LRP1B: variants seen among roughly 807,000 people sequenced by gnomAD.
The protein encoded by LRP1B is low-density lipoprotein receptor-related protein 1B.
LRP1B carries 217 observed loss-of-function variants against 556.6 expected under a neutral mutation model. The observed-to-expected ratio is 0.39, with a 90% CI of 0.35 to 0.44. LRP1B has a LOEUF of 0.44. Ranked by LOEUF, LRP1B falls within the 20% of genes least tolerant of loss-of-function variation. The pLI, the probability that LRP1B is intolerant of heterozygous loss-of-function variation, is 1.00. For missense variants in LRP1B, 5,053 were observed against 5,620.8 expected (o/e 0.90, Z 3.23); for synonymous variants, 2,047 against 1,865.8 (o/e 1.10, Z -2.50).
At chr2:142,053,232 T>C (rs72847098) in intron 1 of LRP1B, among the ~76,000 whole-genome samples, 19,650 of 152,152 alleles carry the variant, frequency 0.13, 1,516 homozygotes, top group Non-Finnish European at 0.15. Flanking sequence ...CAAAATAATA[T>C]AGAAAATAGT....
intron 41 of LRP1B, among the ~76,000 whole-genome samples, chr2:140,674,949 A>G (rs1378560834): frequency 6.6e-6 from 1 of 152,216 alleles, no homozygotes; most frequent in Non-Finnish European, 1.5e-5. Context: ...TACAATCAAG[A>G]TGTCAGCAGA....
chr2:141,612,881 C>A (rs1037371773), intron 2 of LRP1B, among the ~76,000 whole-genome samples: 1 of 152,164 alleles, frequency 6.6e-6, no homozygotes, highest in Non-Finnish European at 1.5e-5. Flanking sequence ...CAGCTCACTG[C>A]AAGCTCTCCC....
At chr2:141,057,223 A>G (rs1024603474) in intron 9 of LRP1B, among the ~76,000 whole-genome samples, 2 of 151,844 alleles carry the variant, frequency 1.3e-5, no homozygotes, top group Admixed American at 6.6e-5. Context: ...AGGACTTCCC[A>G]TCTCACTAAA....
At chr2:141,905,763 A>ACGTGTGTGTGT (rs71338143) in intron 1 of LRP1B, among the ~76,000 whole-genome samples, 17,610 of 114,962 alleles carry the variant, frequency 0.15, 1,790 homozygotes, top group East Asian at 0.3. Context: ...TGGTTTGAAT[A>ACGTGTGTGTGT]GATGTGTGTG....
intron 2 of LRP1B, among the ~76,000 whole-genome samples, chr2:141,741,773 C>A (rs1304158746): frequency 1.3e-5 from 2 of 152,058 alleles, no homozygotes; most frequent in African/African-American, 2.4e-5. Context: ...ATTTCCTTTG[C>A]TCTGCAGAAG....
At chr2:141,163,677 G>T (rs930059906) in intron 7 of LRP1B, among the ~76,000 whole-genome samples, 4 of 151,930 alleles carry the variant, frequency 2.6e-5, no homozygotes, top group African/African-American at 4.8e-5. Context: ...TTTATAAAGG[G>T]TTTCCCCTTT....
chr2:140,795,365 C>T (rs147733611), intron 32 of LRP1B, among the ~76,000 whole-genome samples: 43 of 152,198 alleles, frequency 2.8e-4, no homozygotes, highest in Middle Eastern at 3.4e-3. Context: ...AACAATAACA[C>T]CCACAATTAA....
At chr2:141,757,793 T>C (rs1178891890) in intron 2 of LRP1B, among the ~76,000 whole-genome samples, 1 of 152,092 alleles carries the variant, frequency 6.6e-6, no homozygotes, top group Non-Finnish European at 1.5e-5. Flanking sequence ...CACACTGGCC[T>C]CTCAAAATGC....
chr2:141,056,232 C>T (rs1273246832), intron 9 of LRP1B, among the ~76,000 whole-genome samples: 1 of 151,810 alleles, frequency 6.6e-6, no homozygotes, highest in Admixed American at 6.6e-5. Flanking sequence ...AACCTGACTC[C>T]ACTTATACAA....
chr2:141,157,276 G>T (rs527918322), intron 7 of LRP1B, among the ~76,000 whole-genome samples: 1 of 151,942 alleles, frequency 6.6e-6, no homozygotes, highest in South Asian at 2.1e-4. Context: ...CATATGAACA[G>T]GTTTTTCTGG....
At chr2:140,708,457 A>C (rs1686917388) in intron 37 of LRP1B, among the ~76,000 whole-genome samples, 1 of 151,692 alleles carries the variant, frequency 6.6e-6, no homozygotes, top group Non-Finnish European at 1.5e-5. Flanking sequence ...TGAAGAGCAC[A>C]CACTGGAGAA....
chr2:140,657,961 G>A (rs1321412116), intron 41 of LRP1B, among the ~76,000 whole-genome samples: 5 of 151,884 alleles, frequency 3.3e-5, no homozygotes, highest in African/African-American at 1.2e-4. Flanking sequence ...TGATCCATGG[G>A]CCCAAGGATT....
intron 20 of LRP1B, among the ~76,000 whole-genome samples, chr2:140,936,193 AG>A (rs1695199404): frequency 6.6e-6 from 1 of 151,796 alleles, no homozygotes; most frequent in East Asian, 1.9e-4. Flanking sequence ...TACAAAATTT[AG>A]CCAGGTATGG....
At chr2:140,677,156 A>C (rs114414748) in intron 41 of LRP1B, among the ~76,000 whole-genome samples, 1 of 152,186 alleles carries the variant, frequency 6.6e-6, no homozygotes. Flanking sequence ...AGGAGAAATA[A>C]ATTTTCAGAT....
rs775982459 is a variant in LRP1B, at chr2:140,233,333, G to T, written c.13660-7C>A. 1 of 1,558,646 alleles carries T rather than the reference G, an allele frequency of 6.4e-7. No homozygotes were observed. Among genetic ancestry groups the T allele is most frequent in the South Asian group, 1.2e-5 (1 of 82,246 alleles). On this transcript the variant is annotated splice_polypyrimidine_tract_variant and splice_region_variant and intron_variant, in intron 90 of 90. Transcript: ENST00000389484. ...GATTGGAGTAATTTGTTGGCTGAAG[G>T]AGAAAAAAAATAAATATAATTTTAT... is the stretch of plus-strand genomic sequence containing the variant.
chr2:140,677,056 G>A lies in LRP1B; in HGVS notation c.6799+23194C>T, dbSNP rs558442542. 2.1e-3 allele frequency among the ~76,000 whole-genome samples: 326 copies of A among 152,310 alleles called. 4 individuals carry two copies. The highest frequency in any genetic ancestry group is 4.1e-4 in the Non-Finnish European group (28 of 68,026). ...CCACTTCTTAGGGAAGAAAAGCAGT[G>A]TTGTCAATAGAGATTAGCAATGGCA... On this transcript the variant is annotated intron_variant, in intron 41 of 90. Transcript: ENST00000389484.
At chr2:141,230,935 A>G (rs1248748282) in intron 5 of LRP1B, among the ~76,000 whole-genome samples, 4 of 152,194 alleles carry the variant, frequency 2.6e-5, no homozygotes, top group Admixed American at 1.3e-4. Context: ...TTCTATCTCT[A>G]GCATCTAGAG....
chr2:140,593,094 G>A (rs867531681), intron 43 of LRP1B, among the ~76,000 whole-genome samples: 1 of 152,102 alleles, frequency 6.6e-6, no homozygotes, highest in Non-Finnish European at 1.5e-5. Flanking sequence ...TTACTTAAAA[G>A]AGTTCATGTA....
chr2:141,890,164 G>T (rs1037629203), intron 1 of LRP1B, among the ~76,000 whole-genome samples: 1 of 151,512 alleles, frequency 6.6e-6, no homozygotes, highest in South Asian at 2.1e-4. Flanking sequence ...AGTCTAGATG[G>T]TCATACATAA....
Sources: allele counts gnomAD v4.1 joint callset (sites outside exome capture counted in the v4.1 genomes callset), GRCh38; gene constraint gnomAD v4.1.1; transcripts MANE v1.5; gene names NCBI Gene and HGNC (gene_info 2026-07-23, HGNC 2026-07-21).